Variants in PPP1R13B observed in about 807,000 individuals in gnomAD.
The protein encoded by PPP1R13B is protein phosphatase 1 regulatory subunit 13B, also known as apoptosis-stimulating of p53 protein 1.
PPP1R13B carries 44 observed loss-of-function variants against 119.8 expected under a neutral mutation model. The ratio of observed to expected loss-of-function variants is 0.37; its 90% CI spans 0.29 to 0.47. The LOEUF (loss-of-function observed/expected upper bound fraction) is 0.47, where lower values mean the gene tolerates loss of function less well. Among genes scored for constraint, PPP1R13B ranks in the 20% least tolerant of loss-of-function variants. The pLI, the probability that PPP1R13B is intolerant of heterozygous loss-of-function variation, is 0.99. For missense variants in PPP1R13B, 1,227 were observed against 1,413.5 expected (o/e 0.87, Z 2.12); for synonymous variants, 542 against 561.5 (o/e 0.97, Z 0.49).
intron 15 of PPP1R13B, 100 bp downstream of exon 15, chr14:103,737,594 A>C: frequency 7.1e-7 from 1 of 1,415,906 alleles, no homozygotes; most frequent in Non-Finnish European, 9.5e-7. Context: ...AAAAAAACAA[A>C]CAGAAAGCTG....
intron 1 of PPP1R13B, among the ~76,000 whole-genome samples, chr14:103,824,039 C>CTTTTTTTTTTTTTTT (rs35194586): frequency 1.3e-5 from 1 of 75,112 alleles, no homozygotes; most frequent in Non-Finnish European, 2.4e-5. Flanking sequence ...CTACCTCATC[C>CTTTTTTTTTTTTTTT]TTTTTTTTTT....
At chr14:103,782,417 C>A (rs1011831741) in intron 3 of PPP1R13B, among the ~76,000 whole-genome samples, 6 of 152,190 alleles carry the variant, frequency 3.9e-5, no homozygotes, top group Non-Finnish European at 8.8e-5. Context: ...TTGTTCCTAC[C>A]AGCAATGCTC....
intron 1 of PPP1R13B, among the ~76,000 whole-genome samples, chr14:103,834,503 A>C (rs1297484136): frequency 6.6e-6 from 1 of 151,932 alleles, no homozygotes; most frequent in South Asian, 2.1e-4. Context: ...AGGACACTGC[A>C]TGAAGTGAAC....
In PPP1R13B at chr14:103,847,513, C is replaced by A. The variant is rs1401344360; in HGVS notation, c.-206G>T. ...CGGCGCGCTGCGTCGCTGTCCCGGG[C>A]ACCCGGCCGCCGCCGCCGCCGCCTC... is the stretch of plus-strand genomic sequence containing the variant. On this transcript the variant is annotated 5_prime_UTR_variant, in exon 1 of 17. Transcript: ENST00000202556. 8.1e-6 allele frequency: 8 copies of A among 984,964 alleles called. No homozygotes were observed. Among genetic ancestry groups the A allele is most frequent in the Non-Finnish European group, 9.6e-6 (8 of 830,712 alleles). 61.0% of individuals were successfully genotyped at this position (984,964 alleles called of 1,614,324 possible).
At chr14:103,819,437 C>T (rs2086352801) in intron 1 of PPP1R13B, among the ~76,000 whole-genome samples, 1 of 148,938 alleles carries the variant, frequency 6.7e-6, no homozygotes, top group Non-Finnish European at 1.5e-5. Context: ...TCTGAGGCTG[C>T]AGTGAACTAT....
chr14:103,774,679 C>G (rs1490502243), intron 4 of PPP1R13B, among the ~76,000 whole-genome samples: 1 of 152,198 alleles, frequency 6.6e-6, no homozygotes. Flanking sequence ...TCTCCTTAAT[C>G]TATCCTTAGA....
Position 103,734,298 on chromosome 14 carries a change from G to T in PPP1R13B, c.*856C>A, listed in dbSNP as rs1177867131. The T allele has an allele frequency of 8.7e-6, 3 of 344,880 alleles. No homozygotes were observed. Among genetic ancestry groups the T allele is most frequent in the Admixed American group, 7.5e-5 (2 of 26,688 alleles). 21.4% of individuals were successfully genotyped at this position (344,880 alleles called of 1,614,324 possible). Reference sequence around the variant, plus strand: ...AAACAGCCCCGTCTACCTGGCCCTGGTCTGCCCTCACACCAGTCCACCCCC... The same window carrying T: ...AAACAGCCCCGTCTACCTGGCCCTGTTCTGCCCTCACACCAGTCCACCCCC... On this transcript the variant is annotated 3_prime_UTR_variant, in exon 17 of 17. Coordinates refer to ENST00000202556, the MANE Select transcript of PPP1R13B (RefSeq NM_015316.3).
Position 103,754,157 on chromosome 14 carries a change from G to A in PPP1R13B, c.544C>T (p.Arg182Ter). The A allele has an allele frequency of 2.5e-6, 4 of 1,613,974 alleles. No homozygotes were observed. Among genetic ancestry groups the A allele is most frequent in the Non-Finnish European group, 3.4e-6 (4 of 1,179,992 alleles). ...AGCTTGTTCTCCTGGGCTTCAACTCGTTCTTTCAATTTCTGAAGCTTTTCA... is the reference window on the plus strand; with the variant it reads ...AGCTTGTTCTCCTGGGCTTCAACTCATTCTTTCAATTTCTGAAGCTTTTCA... Reference protein sequence around the residue: ...ENEKLQKLKERVEAQENKLKK... With the variant: ...ENEKLQKLKE The change falls in exon 6 of 17, where the codon CGA (arginine) becomes TGA (stop). Residue 182 changes from arginine to a stop codon, truncating the protein, a stop_gained. Transcript: ENST00000202556. LOFTEE classifies it high-confidence loss of function.
intron 3 of PPP1R13B, among the ~76,000 whole-genome samples, chr14:103,779,364 A>G (rs1377175805): frequency 6.6e-6 from 1 of 152,214 alleles, no homozygotes; most frequent in Non-Finnish European, 1.5e-5. Context: ...TTTTCTTTTT[A>G]CATTCTATCT....
intron 2 of PPP1R13B, among the ~76,000 whole-genome samples, chr14:103,786,720 G>A (rs1405882876): frequency 1.5e-5 from 2 of 129,662 alleles, no homozygotes; most frequent in Non-Finnish European, 1.5e-5. Context: ...AGCCAAGATC[G>A]CACCATTACA....
At chr14:103,794,826 T>A (rs555713352) in intron 2 of PPP1R13B, among the ~76,000 whole-genome samples, 3 of 152,358 alleles carry the variant, frequency 2.0e-5, no homozygotes, top group African/African-American at 7.2e-5. Flanking sequence ...CTGTGTTTAC[T>A]AAGTGCCTTC....
Position 103,742,572 on chromosome 14 carries a change from ATACCCTTTAGCTTAG to A in PPP1R13B, c.1320+67_1320+81del. The A allele has an allele frequency of 6.6e-7, 1 of 1,510,206 alleles. No individual in the cohort carries two copies. The highest frequency in any genetic ancestry group is 8.9e-7 in the Non-Finnish European group (1 of 1,123,274). The allele number at this position is 1,510,206 out of a possible 1,614,324, so 93.6% of individuals were successfully genotyped here. ...GGATTAACTTGCCTCCTGACAAGTC[ATACCCTTTAGCTTAG>A]TACTAAGGCAGAAGAGAGCCCTGTT... is the stretch of plus-strand genomic sequence containing the variant. On this transcript the variant is annotated intron_variant, in intron 10 of 16. Transcript: ENST00000202556. This position sits in a 1 kb window ranked among gnomAD's most constrained non-coding sequence, Gnocchi z 4.9.
intron 1 of PPP1R13B, among the ~76,000 whole-genome samples, chr14:103,800,185 G>A (rs2085865021): frequency 1.3e-5 from 2 of 152,086 alleles, no homozygotes; most frequent in African/African-American, 4.8e-5. Context: ...GCCAGAAATG[G>A]TGGCTCATGA....
Position 103,742,503 on chromosome 14 carries a change from C to A in PPP1R13B, c.1320+151G>T, listed in dbSNP as rs1398679762. 3 of 1,271,024 alleles carry A rather than the reference C, an allele frequency of 2.4e-6. No individual in the cohort carries two copies. Among genetic ancestry groups the A allele is most frequent in the Non-Finnish European group, 3.2e-6 (3 of 932,568 alleles). 78.7% of individuals were successfully genotyped at this position (1,271,024 alleles called of 1,614,324 possible). A position where few individuals can be genotyped will look rare whatever the true frequency, so the allele number is the denominator to read the frequency against. ...TCGTGGGCTGCTCAGGCTCTTAGGG[C>A]CCAGTAACCCTCTAGGACTTTGGGT... On this transcript the variant is annotated intron_variant, in intron 10 of 16. Coordinates refer to ENST00000202556, the MANE Select transcript of PPP1R13B (RefSeq NM_015316.3). This position sits in a 1 kb window ranked among gnomAD's most constrained non-coding sequence, Gnocchi z 4.9.
At chr14:103,737,403 A>C in intron 15 of PPP1R13B, 1 of 205,730 alleles carries the variant, frequency 4.9e-6, no homozygotes. Context: ...TGTCTCTACA[A>C]AAAAAAAAAA....
rs74086600 is a variant in PPP1R13B, at chr14:103,793,806, G to C, written c.157+3565C>G. 5.0e-3 allele frequency among the ~76,000 whole-genome samples: 763 copies of C among 152,330 alleles called. 8 individuals are homozygous for C. The highest frequency in any genetic ancestry group is 0.017 in the African/African-American group (725 of 41,574). ...TGTGTGGGGAAGGGAACCACACAGA[G>C]TAGCTAATGACCTGGCCAAATTAAC... On this transcript the variant is annotated intron_variant, in intron 2 of 16. Transcript: ENST00000202556.
At chr14:103,776,974 C>T (rs901362215) in intron 4 of PPP1R13B, among the ~76,000 whole-genome samples, 8 of 151,922 alleles carry the variant, frequency 5.3e-5, no homozygotes, top group Non-Finnish European at 2.9e-5. Context: ...CTATTTGGTT[C>T]ATTCTTTCAA....
intron 1 of PPP1R13B, among the ~76,000 whole-genome samples, chr14:103,805,600 G>A (rs115159231): frequency 0.012 from 1,857 of 151,516 alleles, 38 homozygotes; most frequent in African/African-American, 0.042. Flanking sequence ...AGGAAGGAAG[G>A]AAGGAAGGAG....
At chr14:103,834,844 C>T (rs941663875) in intron 1 of PPP1R13B, among the ~76,000 whole-genome samples, 2 of 152,036 alleles carry the variant, frequency 1.3e-5, no homozygotes, top group African/African-American at 2.4e-5. Context: ...CCACCCACCT[C>T]GGACTCCCAA....
Sources: allele counts gnomAD v4.1 joint callset (sites outside exome capture counted in the v4.1 genomes callset), GRCh38; gene constraint gnomAD v4.1.1; non-coding constraint Gnocchi (gnomAD v3.1); transcripts MANE v1.5; gene names NCBI Gene and HGNC (gene_info 2026-07-23, HGNC 2026-07-21).